DOK6: variants seen among roughly 807,000 people sequenced by gnomAD.
DOK6 encodes the protein docking protein 6.
DOK6 carries 22 observed loss-of-function variants against 44.0 expected under a neutral mutation model. The observed-to-expected ratio is 0.50, with a 90% CI of 0.36 to 0.71. DOK6 has a LOEUF of 0.71. Ranked by LOEUF, DOK6 falls within the 30% of genes least tolerant of loss-of-function variation. The pLI, the probability that DOK6 is intolerant of heterozygous loss-of-function variation, is 0.00. For synonymous variants in DOK6, 166 were observed against 145.5 expected (o/e 1.14, Z -1.01); for missense variants, 340 against 416.4 (o/e 0.82, Z 1.60).
chr18:69,754,367 AAG>A (rs1555668455), intron 6 of DOK6, among the ~76,000 whole-genome samples: 190 of 151,748 alleles, frequency 1.3e-3, no homozygotes, highest in African/African-American at 4.4e-3. Context: ...AAAAAAAAAA[AAG>A]AAGTTATCAA....
At chr18:69,800,691 T>C (rs1568129880) in intron 7 of DOK6, among the ~76,000 whole-genome samples, 1 of 152,126 alleles carries the variant, frequency 6.6e-6, no homozygotes, top group Non-Finnish European at 1.5e-5. Context: ...TTTACAGTGG[T>C]TCATATCACA....
intron 1 of DOK6, among the ~76,000 whole-genome samples, chr18:69,490,652 T>G (rs1426870571): frequency 6.6e-6 from 1 of 152,168 alleles, no homozygotes; most frequent in African/African-American, 2.4e-5. Context: ...ACTAATATAA[T>G]AATTTCCCAA....
At chr18:69,726,789 G>C (rs1348468702) in intron 5 of DOK6, among the ~76,000 whole-genome samples, 1 of 151,058 alleles carries the variant, frequency 6.6e-6, no homozygotes, top group East Asian at 1.9e-4. Flanking sequence ...GTTTCATGCT[G>C]TGTCCTCACA....
chr18:69,585,938 C>T (rs1273989530), intron 2 of DOK6, among the ~76,000 whole-genome samples: 1 of 152,120 alleles, frequency 6.6e-6, no homozygotes, highest in African/African-American at 2.4e-5. Flanking sequence ...TGAACAGCTG[C>T]AACAACATTT....
intron 6 of DOK6, among the ~76,000 whole-genome samples, chr18:69,742,465 A>C (rs1978837813): frequency 6.6e-6 from 1 of 152,158 alleles, no homozygotes; most frequent in Admixed American, 6.6e-5. Context: ...CATTGTGAGA[A>C]AACATTGCAT....
At chr18:69,640,905 C>A (rs1281610350) in intron 3 of DOK6, among the ~76,000 whole-genome samples, 1 of 151,974 alleles carries the variant, frequency 6.6e-6, no homozygotes, top group Non-Finnish European at 1.5e-5. Flanking sequence ...TCAAAACGTG[C>A]TTTCTGATTA....
intron 5 of DOK6, among the ~76,000 whole-genome samples, chr18:69,716,391 A>G (rs377469420): frequency 2.0e-5 from 3 of 152,252 alleles, no homozygotes; most frequent in East Asian, 1.9e-4. Context: ...AAGCATAATT[A>G]AAAGTGGCAA....
intron 7 of DOK6, among the ~76,000 whole-genome samples, chr18:69,764,409 G>A (rs1422906232): frequency 6.6e-6 from 1 of 152,142 alleles, no homozygotes; most frequent in Non-Finnish European, 1.5e-5. Context: ...CCCACATGTT[G>A]GGGGAGGGAC....
intron 1 of DOK6, among the ~76,000 whole-genome samples, chr18:69,463,632 T>G (rs1162862360): frequency 1.1e-5 from 1 of 90,756 alleles, no homozygotes; most frequent in Non-Finnish European, 2.2e-5. Context: ...ACTGTTTCAT[T>G]GACCTTTGTT....
At position 69,535,525 on chromosome 18, in the gene DOK6, T is replaced by G. The variant is rs140755083; in HGVS notation, c.67-28962T>G. On this transcript the variant is annotated intron_variant, in intron 1 of 7. Transcript: ENST00000382713. Reference sequence around the variant, plus strand: ...TCAACCCCTAGATTTTTAAAAAAAATTTTCTAGGTTAATGAACTTGCTATG... The same window carrying G: ...TCAACCCCTAGATTTTTAAAAAAAAGTTTCTAGGTTAATGAACTTGCTATG... 2.2e-4 allele frequency among the ~76,000 whole-genome samples: 34 copies of G among 151,866 alleles called. 1 individual carries two copies. The highest frequency in any genetic ancestry group is 8.0e-4 in the African/African-American group (33 of 41,398).
intron 3 of DOK6, among the ~76,000 whole-genome samples, chr18:69,655,049 C>G (rs1032440025): frequency 6.6e-6 from 1 of 152,162 alleles, no homozygotes; most frequent in Non-Finnish European, 1.5e-5. Flanking sequence ...CAGAGTGAGA[C>G]TCTGTCTCAA....
At chr18:69,471,926 TC>T (rs1456105274) in intron 1 of DOK6, among the ~76,000 whole-genome samples, 4 of 152,216 alleles carry the variant, frequency 2.6e-5, no homozygotes, top group African/African-American at 4.8e-5. Context: ...TGGTTTCTTA[TC>T]CCCTAGCACA....
At chr18:69,434,442 A>G (rs1473412192) in intron 1 of DOK6, among the ~76,000 whole-genome samples, 1 of 152,134 alleles carries the variant, frequency 6.6e-6, no homozygotes, top group African/African-American at 2.4e-5. Context: ...ATGCACATGG[A>G]GATTTGCATG....
At chr18:69,437,962 TA>T (rs34335838) in intron 1 of DOK6, among the ~76,000 whole-genome samples, 2 of 152,216 alleles carry the variant, frequency 1.3e-5, no homozygotes, top group South Asian at 4.1e-4. Context: ...ATTCCTTCAT[TA>T]AAAAGTAATT....
rs899739195 is a variant in DOK6, at chr18:69,550,136, A to T, written c.67-14351A>T. On this transcript the variant is annotated intron_variant, in intron 1 of 7. Transcript: ENST00000382713. ...AATCATGGATTACCTAAGATTACTT[A>T]TTTATTTAATAATACATAAAGTTTT... 7.2e-5 allele frequency among the ~76,000 whole-genome samples: 11 copies of T among 151,732 alleles called. No homozygotes were observed. The East Asian group carries it at 2.1e-3, about 29-fold the overall frequency.
At chr18:69,661,076 C>T (rs1399427115) in intron 3 of DOK6, 1 of 152,172 alleles carries the variant, frequency 6.6e-6, no homozygotes, top group African/African-American at 2.4e-5. Flanking sequence ...CAAATTATAT[C>T]CTGTTTTTGT....
At chr18:69,535,791 C>G (rs1198719175) in intron 1 of DOK6, among the ~76,000 whole-genome samples, 1 of 151,658 alleles carries the variant, frequency 6.6e-6, no homozygotes, top group Non-Finnish European at 1.5e-5. Context: ...CTGTGGATTT[C>G]AGAAAATAAA....
At chr18:69,617,613 AAAAG>A (rs994805589) in intron 3 of DOK6, among the ~76,000 whole-genome samples, 6 of 150,188 alleles carry the variant, frequency 4.0e-5, no homozygotes, top group East Asian at 3.9e-4. Context: ...GCGATAGGAG[AAAAG>A]AAAGAAAGAG....
chr18:69,598,951 A>G (rs1475492443), intron 2 of DOK6, among the ~76,000 whole-genome samples: 2 of 152,120 alleles, frequency 1.3e-5, no homozygotes, highest in African/African-American at 2.4e-5. Flanking sequence ...CTTTTCTGAC[A>G]GATATGTGTC....
Sources: gnomAD v4.1 joint callset for allele counts (sites outside exome capture counted in the v4.1 genomes callset) on GRCh38, gnomAD v4.1.1 for gene constraint, MANE v1.5 for transcripts, NCBI Gene and HGNC (gene_info 2026-07-23, HGNC 2026-07-21) for gene names.